Variants in SPINK4 observed in about 807,000 individuals in gnomAD.
SPINK4 encodes the protein serine protease inhibitor Kazal-type 4.
A neutral mutation model predicts 12.3 loss-of-function variants in SPINK4; 10 were observed. The observed-to-expected ratio is 0.81, with a 90% CI of 0.50 to 1.37. The LOEUF (loss-of-function observed/expected upper bound fraction) is 1.37, where lower values mean the gene tolerates loss of function less well. SPINK4 is among the 40% of genes most tolerant of loss of function. The pLI, the probability that SPINK4 is intolerant of heterozygous loss-of-function variation, is 0.00. For missense variants in SPINK4, 91 were observed against 109.0 expected, an observed-to-expected ratio of 0.84 and a Z score of 0.73; for synonymous variants, 37 against 40.2, an observed-to-expected ratio of 0.92 and a Z score of 0.30.
At position 33,246,667 on chromosome 9, in the gene SPINK4, C is replaced by G; in HGVS notation, c.154C>G (p.Leu52Val). ...ESPTCSQMSN[L>V]VCGTDGLTYT... ...TCCAACCTGTTCCCAGATGTCCAACCTGGTCTGCGGCACTGATGGGCTCAC... is the reference window on the plus strand; with the variant it reads ...TCCAACCTGTTCCCAGATGTCCAACGTGGTCTGCGGCACTGATGGGCTCAC... Residue 52 changes from leucine to valine, a missense_variant, in exon 3 of 4, where the codon CTG (leucine) becomes GTG (valine). Physicochemically the swap from Leu to Val is conservative, Grantham distance 32. Transcript: ENST00000379721. 1 of 1,614,100 alleles carries G rather than the reference C, an allele frequency of 6.2e-7. No homozygotes were observed. The highest frequency in any genetic ancestry group is 8.5e-7 in the Non-Finnish European group (1 of 1,180,024).
At chr9:33,241,335 G>A (rs1820232367) in intron 1 of SPINK4, among the ~76,000 whole-genome samples, 1 of 152,184 alleles carries the variant, frequency 6.6e-6, no homozygotes, top group Non-Finnish European at 1.5e-5. Flanking sequence ...TAAAATGGGA[G>A]GCACTGAAAG....
intron 1 of SPINK4, among the ~76,000 whole-genome samples, chr9:33,242,475 T>G (rs1251410293): frequency 6.6e-6 from 1 of 152,010 alleles, no homozygotes; most frequent in African/African-American, 2.4e-5. Context: ...GGGCCCAATC[T>G]AGGACCCGTG....
chr9:33,242,099 C>T (rs1430195706), intron 1 of SPINK4, among the ~76,000 whole-genome samples: 1 of 152,160 alleles, frequency 6.6e-6, no homozygotes, highest in Non-Finnish European at 1.5e-5. Context: ...AGGCTGGTCT[C>T]GAACTTCCAA....
chr9:33,241,733 A>T (rs1311528696), intron 1 of SPINK4, among the ~76,000 whole-genome samples: 1 of 152,054 alleles, frequency 6.6e-6, no homozygotes, highest in African/African-American at 2.4e-5. Flanking sequence ...GCCTGGGCTG[A>T]GTGAGGAGGG....
chr9:33,245,748 C>T (rs1820279296), intron 2 of SPINK4, among the ~76,000 whole-genome samples: 1 of 152,180 alleles, frequency 6.6e-6, no homozygotes, highest in Non-Finnish European at 1.5e-5. Flanking sequence ...AGCATCGTCC[C>T]CGTCAGTCCA....
At chr9:33,240,419 A>G in intron 1 of SPINK4, 150 bp downstream of exon 1, 3 of 678,956 alleles carry the variant, frequency 4.4e-6, no homozygotes, top group Non-Finnish European at 6.9e-6. Flanking sequence ...GTGCTGGGGA[A>G]AGTTCTGGGC....
rs565507654 is a variant in SPINK4, at chr9:33,247,281, C to T, written c.215+553C>T. 9.0e-3 allele frequency among the ~76,000 whole-genome samples: 1,369 copies of T among 151,652 alleles called. 18 individuals carry two copies. Among genetic ancestry groups the T allele is most frequent in the African/African-American group, 0.032 (1,320 of 41,362 alleles). ...TCAAGTATTCTCCTGCCTCAGCCTC[C>T]CGAATAGCTGGGATTACAGGCGCCC... On this transcript the variant is annotated intron_variant, in intron 3 of 3. Transcript: ENST00000379721.
At chr9:33,245,246 C>T in intron 2 of SPINK4, 94 bp downstream of exon 2, 1 of 1,350,048 alleles carries the variant, frequency 7.4e-7, no homozygotes, top group Non-Finnish European at 1.0e-6. Context: ...CACGATCCTG[C>T]TCAGACACCT....
chr9:33,247,473 C>T (rs948988769), intron 3 of SPINK4, among the ~76,000 whole-genome samples: 2 of 151,904 alleles, frequency 1.3e-5, no homozygotes, highest in East Asian at 3.9e-4. Flanking sequence ...CGGCCTTCAG[C>T]ACAGAATTCT....
intron 1 of SPINK4, 74 bp from the exon 2 acceptor site, chr9:33,245,038 A>T (rs1287141317): frequency 1.8e-5 from 26 of 1,475,294 alleles, no homozygotes; most frequent in Non-Finnish European, 2.4e-5. Flanking sequence ...TCCCTGAAGC[A>T]GAAGCAGTCC....
Position 33,248,415 on chromosome 9 carries a change from T to G in SPINK4, c.216-11T>G. 2 of 1,614,014 alleles carry G rather than the reference T, an allele frequency of 1.2e-6. No individual in the cohort carries two copies. The highest frequency in any genetic ancestry group is 1.7e-6 in the Non-Finnish European group (2 of 1,179,992). On this transcript the variant is annotated splice_polypyrimidine_tract_variant and intron_variant, in intron 3 of 3. Coordinates refer to ENST00000379721, the MANE Select transcript of SPINK4 (RefSeq NM_014471.3). ...AGAAGGTAGCCTCATGCCTGTCTTCTTTGATCCTAGAAAAACCAAACAGGA... is the reference window on the plus strand; with the variant it reads ...AGAAGGTAGCCTCATGCCTGTCTTCGTTGATCCTAGAAAAACCAAACAGGA...
Position 33,248,327 on chromosome 9 carries a change from G to A in SPINK4, c.216-99G>A, listed in dbSNP as rs75830686. 2.0e-3 allele frequency: 2,503 copies of A among 1,268,276 alleles called. 18 individuals carry two copies. The highest frequency in any genetic ancestry group is 0.017 in the African/African-American group (1,146 of 68,464). 78.6% of individuals were successfully genotyped at this position (1,268,276 alleles called of 1,614,324 possible). ...GTATCCATACACTGCATATGTGGGCGACGCTCAGCAGGATGTCTGGATGGA... is the reference window on the plus strand; with the variant it reads ...GTATCCATACACTGCATATGTGGGCAACGCTCAGCAGGATGTCTGGATGGA... On this transcript the variant is annotated intron_variant, in intron 3 of 3. Coordinates refer to ENST00000379721, the MANE Select transcript of SPINK4 (RefSeq NM_014471.3).
chr9:33,248,333 C>A, intron 3 of SPINK4, 93 bp from the exon 4 acceptor site: 1 of 1,360,670 alleles, frequency 7.3e-7, no homozygotes. Flanking sequence ...GGGCGACGCT[C>A]AGCAGGATGT....
At chr9:33,244,690 G>A (rs1385742428) in intron 1 of SPINK4, among the ~76,000 whole-genome samples, 1 of 152,150 alleles carries the variant, frequency 6.6e-6, no homozygotes, top group African/African-American at 2.4e-5. Context: ...CTTGCGCGAG[G>A]GCTCTTGATG....
Position 33,243,126 on chromosome 9 carries a change from T to A in SPINK4, c.62-1986T>A, listed in dbSNP as rs545998218. 1.9e-4 allele frequency among the ~76,000 whole-genome samples: 29 copies of A among 152,202 alleles called. No homozygotes were observed. The East Asian group carries it at 5.0e-3, about 26-fold the overall frequency. On this transcript the variant is annotated intron_variant, in intron 1 of 3. Coordinates refer to ENST00000379721, the MANE Select transcript of SPINK4 (RefSeq NM_014471.3). ...TTTTGCTCTGTCACCCAGGTTGGAG[T>A]CCAGTGGCACAATCTTGGCTCACTG...
At chr9:33,245,842 G>A (rs80041300) in intron 2 of SPINK4, among the ~76,000 whole-genome samples, 2,788 of 152,240 alleles carry the variant, frequency 0.018, 112 homozygotes, top group African/African-American at 0.063. Flanking sequence ...TGAGAGAAAC[G>A]CCACTATTAT....
intron 1 of SPINK4, 110 bp from the exon 2 acceptor site, chr9:33,245,002 C>T: frequency 1.0e-6 from 1 of 999,154 alleles, no homozygotes; most frequent in East Asian, 2.6e-5. Flanking sequence ...TGAGGAATTC[C>T]AGGTTGGGTA....
At chr9:33,246,765 G>A in intron 3 of SPINK4, 37 bp downstream of exon 3, 1 of 1,570,616 alleles carries the variant, frequency 6.4e-7, no homozygotes, top group South Asian at 1.1e-5. Flanking sequence ...GCTTGGGTGG[G>A]CCCCATCTCT....
intron 3 of SPINK4, among the ~76,000 whole-genome samples, chr9:33,247,302 C>T (rs897132119): frequency 3.3e-5 from 5 of 151,512 alleles, no homozygotes; most frequent in South Asian, 2.1e-4. Context: ...GGATTACAGG[C>T]GCCCACCACC....
Sources: gnomAD v4.1 joint callset for allele counts (sites outside exome capture counted in the v4.1 genomes callset) on GRCh38, gnomAD v4.1.1 for gene constraint, MANE v1.5 for transcripts, NCBI Gene and HGNC (gene_info 2026-07-23, HGNC 2026-07-21) for gene names.